OTC: variants seen among roughly 807,000 people sequenced by gnomAD.
OTC encodes the protein ornithine transcarbamylase, mitochondrial.
OTC carries 3 observed loss-of-function variants against 30.3 expected under a neutral mutation model. That is an observed-to-expected ratio of 0.10 (90% CI 0.05 to 0.26). The LOEUF is 0.26. Ranked by LOEUF, OTC falls within the 10% of genes least tolerant of loss-of-function variation. The probability of loss-of-function intolerance (pLI) is 1.00; values close to 1 mark genes in which losing one functional copy is unlikely to be tolerated. For synonymous variants in OTC, 111 were observed against 99.7 expected, an observed-to-expected ratio of 1.11 and a Z score of -0.67; for missense variants, 194 against 260.3, an observed-to-expected ratio of 0.75 and a Z score of 1.75.
At chrX:38,401,909 A>G (rs1348022847) in intron 5 of OTC, among the ~76,000 whole-genome samples, 1 of 111,968 alleles carries the variant, frequency 8.9e-6, no homozygotes, top group African/African-American at 3.2e-5. Flanking sequence ...AGGGTTAAGA[A>G]TATGCAGAAT....
At chrX:38,402,611 G>A (rs987813222) in intron 5 of OTC, among the ~76,000 whole-genome samples, 2 of 111,530 alleles carry the variant, frequency 1.8e-5, no homozygotes, top group African/African-American at 3.3e-5. Flanking sequence ...TGTTCACACA[G>A]TTTTGTCAAT....
the OTC span, among the ~76,000 whole-genome samples, chrX:38,342,243 G>C: frequency 9.2e-6 from 1 of 108,541 alleles, no homozygotes; most frequent in African/African-American, 3.4e-5. Flanking sequence ...GGCTAGTCTC[G>C]AACTCCTGAC....
At chrX:38,337,622 G>A in the OTC span, among the ~76,000 whole-genome samples, 1,180 of 111,861 alleles carry the variant, frequency 0.011, 18 homozygotes, top group African/African-American at 0.036. Flanking sequence ...CGTATTCACC[G>A]CTTGGATTCG....
At chrX:38,389,646 T>C (rs2068421154) in intron 4 of OTC, among the ~76,000 whole-genome samples, 1 of 110,567 alleles carries the variant, frequency 9.0e-6, no homozygotes, top group Admixed American at 9.7e-5. Context: ...GGAAAAATGA[T>C]TACAAAAGAC....
At chrX:38,351,353 GA>G (rs1295633492), upstream of OTC, among the ~76,000 whole-genome samples, 2 of 111,871 alleles carry the variant, frequency 1.8e-5, no homozygotes, top group African/African-American at 6.5e-5. Context: ...AAATTGACCA[GA>G]AGAGGCAGCC....
chrX:38,362,132 G>A (rs954570958), intron 1 of OTC, among the ~76,000 whole-genome samples: 3 of 111,951 alleles, frequency 2.7e-5, no homozygotes, highest in African/African-American at 9.7e-5. Context: ...CAGAAGTTGG[G>A]AGTGGGGGAA....
intron 8 of OTC, among the ~76,000 whole-genome samples, chrX:38,410,331 A>T (rs1418012606): frequency 8.9e-6 from 1 of 111,907 alleles, no homozygotes; most frequent in Non-Finnish European, 1.9e-5. Context: ...AATTTTTTAA[A>T]ATATGAGAGT....
chrX:38,380,125 C>T (rs1206827270), intron 3 of OTC, among the ~76,000 whole-genome samples: 1 of 111,783 alleles, frequency 8.9e-6, no homozygotes, highest in Non-Finnish European at 1.9e-5. Flanking sequence ...GTCATGATCA[C>T]ACTGAACAAA....
intron 4 of OTC, among the ~76,000 whole-genome samples, chrX:38,385,697 G>A (rs1224865880): frequency 8.9e-6 from 1 of 111,781 alleles, no homozygotes; most frequent in East Asian, 2.8e-4. Flanking sequence ...TTACAGATTG[G>A]TCCTCAGTCT....
intron 2 of OTC, among the ~76,000 whole-genome samples, chrX:38,368,007 C>T (rs981083304): frequency 4.5e-5 from 5 of 111,168 alleles, no homozygotes; most frequent in Non-Finnish European, 7.6e-5. Context: ...AGTGAGCCAC[C>T]GTGCCCGGCC....
chrX:38,358,267 GA>G (rs112597760), intron 1 of OTC, among the ~76,000 whole-genome samples: 29 of 101,343 alleles, frequency 2.9e-4, no homozygotes, highest in African/African-American at 4.3e-4. Context: ...CTACAGACCA[GA>G]AAAAAAAAAA....
At chrX:38,403,202 T>C (rs929644924) in intron 5 of OTC, among the ~76,000 whole-genome samples, 2 of 111,874 alleles carry the variant, frequency 1.8e-5, no homozygotes, top group Non-Finnish European at 3.8e-5. Flanking sequence ...GTATTCTGTA[T>C]TTCCCCTTTC....
At chrX:38,380,315 G>C (rs904717434) in intron 3 of OTC, among the ~76,000 whole-genome samples, 9 of 112,417 alleles carry the variant, frequency 8.0e-5, no homozygotes, top group Non-Finnish European at 1.7e-4. Flanking sequence ...GATGGGATTA[G>C]CAAATTGTGA....
chrX:38,371,000 A>C (rs1434946450), intron 3 of OTC, among the ~76,000 whole-genome samples: 2 of 111,423 alleles, frequency 1.8e-5, no homozygotes, highest in Admixed American at 1.9e-4. Flanking sequence ...TCTGTCTTAA[A>C]AGCAAGACAG....
Position 38,399,477 on chromosome X carries a change from G to A in OTC, c.387-1798G>A, listed in dbSNP as rs187849729. On this transcript the variant is annotated intron_variant, in intron 4 of 9. Transcript: ENST00000039007. ...AAAAACTCTCCAAGTTGCCAGGTGC[G>A]GTGGCTCACGCCTGTAATCCCAGCA... Among the ~76,000 whole-genome samples, 415 of 111,418 alleles carry A rather than the reference G, an allele frequency of 3.7e-3. 3 individuals are homozygous for A. The highest frequency in any genetic ancestry group is 0.013 in the African/African-American group (392 of 30,663).
chrX:38,356,917 TGTGA>T (rs1262514428), intron 1 of OTC, among the ~76,000 whole-genome samples: 1 of 111,128 alleles, frequency 9.0e-6, no homozygotes, highest in Non-Finnish European at 1.9e-5. Flanking sequence ...GGAAAACATT[TGTGA>T]GTTTTTTTCA....
chrX:38,413,701 G>A (rs765187079), intron 9 of OTC, among the ~76,000 whole-genome samples: 3 of 106,109 alleles, frequency 2.8e-5, no homozygotes, highest in Non-Finnish European at 3.9e-5. Flanking sequence ...ATAGAGTCTC[G>A]CTCTGTTGCC....
the OTC span, among the ~76,000 whole-genome samples, chrX:38,328,231 A>G: frequency 8.9e-6 from 1 of 112,541 alleles, no homozygotes; most frequent in Non-Finnish European, 1.9e-5. Flanking sequence ...GAGCAGATTT[A>G]CGTACGTTTG....
chrX:38,366,560 CTTA>C (rs1265133324), intron 1 of OTC, among the ~76,000 whole-genome samples: 2 of 111,709 alleles, frequency 1.8e-5, no homozygotes, highest in Non-Finnish European at 3.8e-5. Context: ...TTATCAAATA[CTTA>C]TTATATTCCA....
Sources: allele counts gnomAD v4.1 joint callset (sites outside exome capture counted in the v4.1 genomes callset), GRCh38; gene constraint gnomAD v4.1.1; transcripts MANE v1.5; gene names NCBI Gene and HGNC (gene_info 2026-07-23, HGNC 2026-07-21).